MGST3: variants seen among roughly 807,000 people sequenced by gnomAD.
MGST3 encodes the protein glutathione S-transferase 3, mitochondrial.
In MGST3, 13 loss-of-function variants were observed where a neutral mutation model predicts 15.8. The observed-to-expected ratio is 0.82, with a 90% CI of 0.54 to 1.31. The LOEUF (loss-of-function observed/expected upper bound fraction) is 1.31, where lower values mean the gene tolerates loss of function less well. MGST3 is among the 50% of genes most tolerant of loss of function. MGST3 has a pLI of 0.00. For synonymous variants in MGST3, 49 were observed against 68.1 expected (o/e 0.72, Z 1.38); for missense variants, 155 against 192.4 (o/e 0.81, Z 1.15).
chr1:165,638,793 T>TCAAAA (rs144430330), intron 1 of MGST3, among the ~76,000 whole-genome samples: 1 of 144,450 alleles, frequency 6.9e-6, no homozygotes, highest in African/African-American at 2.6e-5. Flanking sequence ...AGACTCCGTC[T>TCAAAA]TAAAAAAAAA....
intron 1 of MGST3, among the ~76,000 whole-genome samples, chr1:165,644,260 C>T (rs899827905): frequency 6.6e-6 from 1 of 152,140 alleles, no homozygotes; most frequent in Admixed American, 6.5e-5. Context: ...CAAACCTAGA[C>T]AGTATAACCT....
intron 1 of MGST3, chr1:165,647,244 T>C (rs1648428274): frequency 6.6e-6 from 1 of 152,186 alleles, no homozygotes; most frequent in South Asian, 2.1e-4. Context: ...AAAGAGGAGC[T>C]CAGTAGTAAA....
chr1:165,638,566 T>C (rs1435877723), intron 1 of MGST3, among the ~76,000 whole-genome samples: 1 of 151,860 alleles, frequency 6.6e-6, no homozygotes, highest in Non-Finnish European at 1.5e-5. Context: ...GGTGGATCAC[T>C]TGAGGTCAGG....
At chr1:165,652,784 G>A (rs964785305) in intron 4 of MGST3, among the ~76,000 whole-genome samples, 1 of 152,230 alleles carries the variant, frequency 6.6e-6, no homozygotes, top group Non-Finnish European at 1.5e-5. Context: ...GGGCAGAGGG[G>A]TGATGAGGCA....
At chr1:165,637,937 A>C (rs993247630) in intron 1 of MGST3, among the ~76,000 whole-genome samples, 3 of 152,092 alleles carry the variant, frequency 2.0e-5, no homozygotes, top group Admixed American at 6.5e-5. Context: ...AGTTTTTGCT[A>C]TTCTACCACC....
At chr1:165,646,732 C>T (rs1415808511) in intron 1 of MGST3, 1 of 152,206 alleles carries the variant, frequency 6.6e-6, no homozygotes, top group Admixed American at 6.5e-5. Flanking sequence ...TCATTTATTC[C>T]GTAAGTATCT....
At chr1:165,643,884 T>TA (rs952827492) in intron 1 of MGST3, among the ~76,000 whole-genome samples, 1 of 150,700 alleles carries the variant, frequency 6.6e-6, no homozygotes, top group African/African-American at 2.4e-5. Flanking sequence ...TAAAATAAAA[T>TA]AAAAAAATTT....
chr1:165,649,083 G>T (rs9333461), intron 1 of MGST3: 46,301 of 151,890 alleles, frequency 0.3, 7,836 homozygotes, highest in African/African-American at 0.43. Context: ...TTGAAGTGAT[G>T]ATTTGATGGG....
chr1:165,653,503 C>G (rs1337442528), intron 4 of MGST3, among the ~76,000 whole-genome samples: 1 of 152,140 alleles, frequency 6.6e-6, no homozygotes, highest in Non-Finnish European at 1.5e-5. Context: ...TCAACTCAAA[C>G]AAACAAAAAC....
chr1:165,652,694 A>AT (rs1365636823), intron 4 of MGST3, among the ~76,000 whole-genome samples: 2 of 152,178 alleles, frequency 1.3e-5, no homozygotes, highest in Non-Finnish European at 2.9e-5. Context: ...GAAGACAAGC[A>AT]AGGCCTGAGG....
At chr1:165,654,088 CATAG>C in intron 4 of MGST3, 187 bp from the exon 5 acceptor site, 1 of 601,874 alleles carries the variant, frequency 1.7e-6, no homozygotes, top group Non-Finnish European at 3.0e-6. Context: ...CCAAGCCATT[CATAG>C]AAGAATCACA....
At chr1:165,652,097 C>T in intron 4 of MGST3, 62 bp downstream of exon 4, 1 of 1,151,366 alleles carries the variant, frequency 8.7e-7, no homozygotes, top group East Asian at 2.3e-5. Flanking sequence ...TTATCAGGGA[C>T]AGAAGAAGGA....
intron 1 of MGST3, among the ~76,000 whole-genome samples, chr1:165,639,940 C>G (rs1444625864): frequency 6.6e-6 from 1 of 152,144 alleles, no homozygotes; most frequent in Admixed American, 6.5e-5. Context: ...GGCTGGAAGT[C>G]CTACTGATTC....
intron 3 of MGST3, chr1:165,651,573 C>T (rs1242991201): frequency 1.0e-5 from 3 of 295,708 alleles, no homozygotes; most frequent in Non-Finnish European, 1.9e-5. Flanking sequence ...TTTATTTTTA[C>T]CCCCAAGCTT....
At chr1:165,639,239 TG>T (rs1648202075) in intron 1 of MGST3, among the ~76,000 whole-genome samples, 3 of 152,278 alleles carry the variant, frequency 2.0e-5, no homozygotes, top group Admixed American at 6.5e-5. Flanking sequence ...CTTCCCGTAC[TG>T]GGGGAAGAGG....
intron 1 of MGST3, among the ~76,000 whole-genome samples, chr1:165,638,763 C>G (rs12022491): frequency 6.8e-6 from 1 of 147,478 alleles, no homozygotes; most frequent in East Asian, 2.0e-4. Context: ...GCCACTCACT[C>G]TAGCCTGTGG....
intron 1 of MGST3, among the ~76,000 whole-genome samples, chr1:165,642,625 GTCCT>G: frequency 6.6e-6 from 1 of 152,258 alleles, no homozygotes; most frequent in African/African-American, 2.4e-5. Context: ...CATTTACTGA[GTCCT>G]TCCTATGTGT....
At chr1:165,645,645 C>T (rs1187488466) in intron 1 of MGST3, 1 of 152,048 alleles carries the variant, frequency 6.6e-6, no homozygotes, top group Non-Finnish European at 1.5e-5. Flanking sequence ...TTGTTTACAC[C>T]AGCATCACCA....
At position 165,651,041 on chromosome 1, in the gene MGST3, G is replaced by A. The variant is rs1648538719; in HGVS notation, c.145G>A (p.Glu49Lys). 1.2e-6 allele frequency: 2 copies of A among 1,614,212 alleles called. No individual in the cohort carries two copies. The highest frequency in any genetic ancestry group is 8.5e-7 in the Non-Finnish European group (1 of 1,180,032). The change falls in exon 3 of 6, where the codon GAA becomes AAA. Residue 49 changes from glutamate to lysine, a missense_variant. Physicochemically the swap from Glu to Lys is moderately conservative, Grantham distance 56. Coordinates refer to ENST00000367889, the MANE Select transcript of MGST3 (RefSeq NM_004528.4). ...EYPIMYSTDPENGHIFNCIQR... is the reference protein window; with the variant it reads ...EYPIMYSTDPKNGHIFNCIQR... ...TCCTATCATGTACAGCACGGACCCTGAAAATGGGCACATCTTCAACTGCAT... is the reference window on the plus strand; with the variant it reads ...TCCTATCATGTACAGCACGGACCCTAAAAATGGGCACATCTTCAACTGCAT...
Sources: allele counts gnomAD v4.1 joint callset (sites outside exome capture counted in the v4.1 genomes callset), GRCh38; gene constraint gnomAD v4.1.1; transcripts MANE v1.5; gene names NCBI Gene and HGNC (gene_info 2026-07-23, HGNC 2026-07-21).